RAD51B: variants seen among roughly 807,000 people sequenced by gnomAD.
The protein encoded by RAD51B is RAD51 paralog B.
A neutral mutation model predicts 42.2 loss-of-function variants in RAD51B; 38 were observed. The ratio of observed to expected loss-of-function variants is 0.90; its 90% confidence interval spans 0.70 to 1.18. RAD51B has a LOEUF of 1.18. Ranked by LOEUF, RAD51B falls within the 50% of genes most tolerant of loss-of-function variation. The pLI, the probability that RAD51B is intolerant of heterozygous loss-of-function variation, is 0.00. For synonymous variants in RAD51B, 154 were observed against 145.2 expected (o/e 1.06, Z -0.43); for missense variants, 373 against 400.7 (o/e 0.93, Z 0.59).
intron 7 of RAD51B, among the ~76,000 whole-genome samples, chr14:67,953,348 G>T (rs920232533): frequency 6.6e-6 from 1 of 152,068 alleles, no homozygotes; most frequent in African/African-American, 2.4e-5. Context: ...TTGGGAACAG[G>T]AAGCCTGATT....
chr14:68,589,003 G>A (rs1017473561), intron 10 of RAD51B, among the ~76,000 whole-genome samples: 9 of 152,172 alleles, frequency 5.9e-5, no homozygotes, highest in Non-Finnish European at 1.2e-4. Flanking sequence ...TCAGCTCCCA[G>A]GTACCAGTTG....
chr14:68,562,963 C>T, intron 10 of RAD51B: 1 of 985,426 alleles, frequency 1.0e-6, no homozygotes, highest in Non-Finnish European at 1.2e-6. Context: ...CAATAGTGTG[C>T]TCCACGGAAG....
At chr14:68,557,777 C>T (rs1888929435) in intron 10 of RAD51B, among the ~76,000 whole-genome samples, 1 of 152,174 alleles carries the variant, frequency 6.6e-6, no homozygotes, top group Non-Finnish European at 1.5e-5. Flanking sequence ...GTCCTGATAG[C>T]TCTTGTTATA....
intron 8 of RAD51B, among the ~76,000 whole-genome samples, chr14:68,405,266 C>A (rs2084234027): frequency 6.6e-6 from 1 of 152,122 alleles, no homozygotes; most frequent in South Asian, 2.1e-4. Flanking sequence ...CATAGTGAGA[C>A]CCTGTCTCTA....
intron 7 of RAD51B, among the ~76,000 whole-genome samples, chr14:67,914,013 C>A (rs563532018): frequency 2.0e-5 from 3 of 150,724 alleles, no homozygotes; most frequent in African/African-American, 7.4e-5. Context: ...GATGGGGCCT[C>A]GCTCTTTCAC....
chr14:67,849,509 C>T (rs996184091), intron 4 of RAD51B, among the ~76,000 whole-genome samples: 2 of 152,226 alleles, frequency 1.3e-5, no homozygotes. Context: ...TCTCAAACTC[C>T]TGATCTCAGG....
chr14:67,825,524 G>A lies in RAD51B; in HGVS notation c.145G>A (p.Val49Ile), dbSNP rs755121117. 1.2e-6 allele frequency: 2 copies of A among 1,613,762 alleles called. No homozygotes were observed. Among genetic ancestry groups the A allele is most frequent in the Non-Finnish European group, 1.7e-6 (2 of 1,179,836 alleles). The part of the protein sequence containing the change: ...MKVTGLSYRG[V>I]HELLCMVSRA... ...GGTGACTGGTCTGAGTTATCGAGGTGTCCATGAACTTCTATGTATGGTCAG... is the reference window on the plus strand; with the variant it reads ...GGTGACTGGTCTGAGTTATCGAGGTATCCATGAACTTCTATGTATGGTCAG... Residue 49 changes from valine to isoleucine, a missense_variant, in exon 3 of 11, where the codon GTC becomes ATC. Transcript: ENST00000471583.
At chr14:67,985,528 G>A (rs2075169391) in intron 7 of RAD51B, among the ~76,000 whole-genome samples, 1 of 151,858 alleles carries the variant, frequency 6.6e-6, no homozygotes, top group Non-Finnish European at 1.5e-5. Context: ...GAGGGAATAG[G>A]AATTTTCTTG....
At chr14:67,899,299 T>A (rs1490639063) in intron 7 of RAD51B, among the ~76,000 whole-genome samples, 2 of 152,122 alleles carry the variant, frequency 1.3e-5, no homozygotes, top group African/African-American at 4.8e-5. Flanking sequence ...TCTGCCCACC[T>A]TGGCCTCCCA....
chr14:67,960,019 AG>A (rs2074629975), intron 7 of RAD51B, among the ~76,000 whole-genome samples: 1 of 151,948 alleles, frequency 6.6e-6, no homozygotes, highest in Non-Finnish European at 1.5e-5. Flanking sequence ...TGGGAGGCGG[AG>A]GTTGCAATGA....
intron 7 of RAD51B, among the ~76,000 whole-genome samples, chr14:68,239,428 G>A (rs777617969): frequency 6.6e-6 from 1 of 151,960 alleles, no homozygotes; most frequent in African/African-American, 2.4e-5. Flanking sequence ...CTCATCACAC[G>A]CTGATCCTCC....
intron 9 of RAD51B, 62 bp downstream of exon 9, chr14:68,411,589 C>A: frequency 2.0e-6 from 3 of 1,482,728 alleles, no homozygotes; most frequent in South Asian, 2.3e-5. Flanking sequence ...ACCAAGCAAT[C>A]TGAGCGTCTT....
chr14:68,395,590 G>T (rs1947204822), intron 8 of RAD51B, among the ~76,000 whole-genome samples: 1 of 152,078 alleles, frequency 6.6e-6, no homozygotes, highest in Non-Finnish European at 1.5e-5. Context: ...TTACTATTTT[G>T]TTGTTGCTGC....
chr14:68,033,830 G>A (rs1339367755), intron 7 of RAD51B, among the ~76,000 whole-genome samples: 1 of 152,152 alleles, frequency 6.6e-6, no homozygotes, highest in Admixed American at 6.5e-5. Flanking sequence ...AGGGATGAAT[G>A]AATGTTCTGA....
At chr14:68,214,886 T>C (rs1274660) in intron 7 of RAD51B, among the ~76,000 whole-genome samples, 152,235 of 152,356 alleles carry the variant, frequency 1, 76,057 homozygotes, top group Middle Eastern at 1. Context: ...ACCAGCCTTC[T>C]TTTATTTCAA....
chr14:68,564,479 G>C (rs1055425517), intron 10 of RAD51B, among the ~76,000 whole-genome samples: 2 of 152,190 alleles, frequency 1.3e-5, no homozygotes, highest in African/African-American at 4.8e-5. Context: ...AGAAGGAGCT[G>C]CTTGTTGTTG....
At chr14:67,890,664 A>G (rs2043193097) in intron 7 of RAD51B, among the ~76,000 whole-genome samples, 1 of 136,424 alleles carries the variant, frequency 7.3e-6, no homozygotes, top group Admixed American at 8.5e-5. Context: ...TGACAGGATT[A>G]TATTTTCTGT....
intron 7 of RAD51B, among the ~76,000 whole-genome samples, chr14:68,214,891 T>G (rs534581314): frequency 8.5e-5 from 13 of 152,324 alleles, no homozygotes; most frequent in Admixed American, 7.8e-4. Flanking sequence ...CCTTCTTTTA[T>G]TTCAACTTTG....
chr14:68,286,344 T>C (rs182557596), intron 7 of RAD51B, among the ~76,000 whole-genome samples: 1 of 152,356 alleles, frequency 6.6e-6, no homozygotes, highest in East Asian at 1.9e-4. Context: ...GTCAGATTCT[T>C]GGGTCCTTAA....
Sources: gnomAD v4.1 joint callset for allele counts (sites outside exome capture counted in the v4.1 genomes callset) on GRCh38, gnomAD v4.1.1 for gene constraint, MANE v1.5 for transcripts, NCBI Gene and HGNC (gene_info 2026-07-23, HGNC 2026-07-21) for gene names.